FRMD4A: variants seen among roughly 807,000 people sequenced by gnomAD.
FRMD4A encodes FERM domain-containing protein 4A.
FRMD4A carries 29 observed loss-of-function variants against 129.1 expected under a neutral mutation model. The ratio of observed to expected loss-of-function variants is 0.22; its 90% confidence interval spans 0.17 to 0.31. FRMD4A has a LOEUF of 0.31. FRMD4A is among the 10% of genes least tolerant of loss of function. The pLI is 1.00. For missense variants in FRMD4A, 1,272 were observed against 1,375.8 expected (o/e 0.92, Z 1.19); for synonymous variants, 634 against 571.6 (o/e 1.11, Z -1.56).
Position 14,089,618 on chromosome 10 carries a change from C to CAA in FRMD4A, c.46-230708_46-230707dup, listed in dbSNP as rs369054869. Among the ~76,000 whole-genome samples, 601 of 79,224 alleles carry CAA rather than the reference C, an allele frequency of 7.6e-3. 2 individuals carry two copies. Among genetic ancestry groups the CAA allele is most frequent in the Middle Eastern group, 0.035 (7 of 198 alleles). The allele number at this position is 79,224 out of a possible 152,430, so 52.0% of individuals were successfully genotyped here. A position where few individuals can be genotyped will look rare whatever the true frequency, so the allele number is the denominator to read the frequency against. On this transcript the variant is annotated intron_variant, in intron 2 of 24. Coordinates refer to ENST00000357447, the MANE Select transcript of FRMD4A (RefSeq NM_018027.5). Reference sequence around the variant, plus strand: ...ATTGAAAAAAGTTCACCTTTTCAAGCAAAAAAAAAAACAAAAAAAAACAAA... The same window carrying CAA: ...ATTGAAAAAAGTTCACCTTTTCAAGCAAAAAAAAAAAAACAAAAAAAAACAAA...
chr10:14,027,508 C>T (rs910468800), intron 2 of FRMD4A, among the ~76,000 whole-genome samples: 6 of 152,246 alleles, frequency 3.9e-5, no homozygotes, highest in Admixed American at 6.5e-5. Flanking sequence ...CCCAGCTACT[C>T]GGGAGGCTGA....
chr10:13,931,981 A>G (rs1426055529), intron 2 of FRMD4A, among the ~76,000 whole-genome samples: 1 of 151,966 alleles, frequency 6.6e-6, no homozygotes, highest in East Asian at 1.9e-4. Context: ...CAACCAACAA[A>G]CCAACCAACC....
intron 2 of FRMD4A, among the ~76,000 whole-genome samples, chr10:14,199,104 A>T (rs1842555748): frequency 1.3e-5 from 2 of 152,104 alleles, no homozygotes; most frequent in South Asian, 4.2e-4. Context: ...TCCAAAAAGC[A>T]AAGTAATTTA....
intron 18 of FRMD4A, 74 bp from the exon 19 acceptor site, chr10:13,663,583 T>C (rs1187297425): frequency 1.3e-6 from 1 of 799,348 alleles, no homozygotes; most frequent in African/African-American, 1.7e-5. Context: ...AAAAATAGCA[T>C]GTCTACTACC....
chr10:14,050,192 T>C (rs948207082), intron 2 of FRMD4A, among the ~76,000 whole-genome samples: 3 of 152,216 alleles, frequency 2.0e-5, no homozygotes, highest in African/African-American at 7.2e-5. Context: ...GGACAGTGCC[T>C]GGTAGAAAGC....
intron 17 of FRMD4A, among the ~76,000 whole-genome samples, chr10:13,668,837 G>A (rs969436325): frequency 5.3e-5 from 8 of 152,180 alleles, no homozygotes; most frequent in South Asian, 2.1e-4. Context: ...GGAAATACCC[G>A]ACCTCAATCC....
intron 2 of FRMD4A, among the ~76,000 whole-genome samples, chr10:14,312,351 C>G (rs1279668820): frequency 6.6e-6 from 1 of 152,142 alleles, no homozygotes; most frequent in East Asian, 1.9e-4. Context: ...TCTGATCAGC[C>G]TATTAGAATC....
chr10:13,794,391 C>CAAAAAAAAAAAAAAAA (rs5783349), intron 5 of FRMD4A, among the ~76,000 whole-genome samples: 1 of 102,962 alleles, frequency 9.7e-6, no homozygotes, highest in African/African-American at 3.8e-5. Context: ...GAATCCGTCT[C>CAAAAAAAAAAAAAAAA]AAAAAAAAAA....
At chr10:14,025,819 G>A (rs1342841157) in intron 2 of FRMD4A, among the ~76,000 whole-genome samples, 2 of 152,126 alleles carry the variant, frequency 1.3e-5, no homozygotes, top group African/African-American at 4.8e-5. Context: ...TTCACTTAGT[G>A]TAATGTCCTC....
intron 2 of FRMD4A, among the ~76,000 whole-genome samples, chr10:14,317,891 T>C (rs1846805975): frequency 6.6e-6 from 1 of 152,166 alleles, no homozygotes; most frequent in Admixed American, 6.5e-5. Context: ...ATACAGAGTC[T>C]GAGTTTTAAT....
At chr10:13,912,748 C>T (rs891386011) in intron 2 of FRMD4A, among the ~76,000 whole-genome samples, 1 of 151,572 alleles carries the variant, frequency 6.6e-6, no homozygotes, top group Non-Finnish European at 1.5e-5. Flanking sequence ...CCAGGATGGT[C>T]TCGATCTCCT....
At chr10:13,767,439 A>G (rs1179437653) in intron 6 of FRMD4A, among the ~76,000 whole-genome samples, 1 of 152,100 alleles carries the variant, frequency 6.6e-6, no homozygotes, top group Non-Finnish European at 1.5e-5. Flanking sequence ...GGGTTTCACC[A>G]TGTTGGCCAG....
At chr10:13,919,692 C>T (rs1589272370) in intron 2 of FRMD4A, among the ~76,000 whole-genome samples, 1 of 152,056 alleles carries the variant, frequency 6.6e-6, no homozygotes, top group Non-Finnish European at 1.5e-5. Context: ...AATCCCAGCA[C>T]TTTAGGAGGC....
chr10:14,131,996 A>G (rs937016629), intron 2 of FRMD4A, among the ~76,000 whole-genome samples: 2 of 152,224 alleles, frequency 1.3e-5, no homozygotes, highest in Non-Finnish European at 2.9e-5. Context: ...ACCAAAAGGC[A>G]TAAAATTCAA....
At chr10:13,751,315 A>G (rs1424999541) in intron 8 of FRMD4A, among the ~76,000 whole-genome samples, 1 of 152,192 alleles carries the variant, frequency 6.6e-6, no homozygotes, top group Non-Finnish European at 1.5e-5. Context: ...TACACACAAA[A>G]AAATCTAACA....
At chr10:14,175,522 C>CTTTTT (rs374088064) in intron 2 of FRMD4A, among the ~76,000 whole-genome samples, 2 of 122,968 alleles carry the variant, frequency 1.6e-5, no homozygotes, top group Non-Finnish European at 1.6e-5. Context: ...AGTTTGCTTC[C>CTTTTT]TTTTTTTTTT....
intron 2 of FRMD4A, among the ~76,000 whole-genome samples, chr10:13,959,675 C>T (rs985809379): frequency 2.6e-5 from 4 of 152,048 alleles, no homozygotes; most frequent in African/African-American, 9.7e-5. Flanking sequence ...CCAGATATAA[C>T]ACAGTCGTGA....
At chr10:13,779,246 G>A (rs1164029186) in intron 6 of FRMD4A, among the ~76,000 whole-genome samples, 1 of 151,968 alleles carries the variant, frequency 6.6e-6, no homozygotes, top group African/African-American at 2.4e-5. Flanking sequence ...AACCCAGGAG[G>A]CAGAGGTTGC....
chr10:14,326,608 T>C (rs1218443), intron 2 of FRMD4A: 384,358 of 385,248 alleles, frequency 1, 191,740 homozygotes, highest in East Asian at 1. Context: ...CTAGCTGTCC[T>C]GAAGGTGAGC....
Sources: gnomAD v4.1 joint callset for allele counts (sites outside exome capture counted in the v4.1 genomes callset) on GRCh38, gnomAD v4.1.1 for gene constraint, MANE v1.5 for transcripts, NCBI Gene and HGNC (gene_info 2026-07-23, HGNC 2026-07-21) for gene names.